Variants in GPATCH2 observed in about 807,000 individuals in gnomAD.
GPATCH2 encodes G-patch domain containing 2.
Under a neutral mutation model 58.0 loss-of-function variants are expected in GPATCH2, and 51 were observed. The observed-to-expected ratio is 0.88, with a 90% CI of 0.70 to 1.11. The LOEUF (loss-of-function observed/expected upper bound fraction) is 1.11. Ranked by LOEUF, GPATCH2 falls within the 50% of genes most tolerant of loss-of-function variation. The pLI, the probability that GPATCH2 is intolerant of heterozygous loss-of-function variation, is 0.00. For synonymous variants in GPATCH2, 222 were observed against 218.5 expected, an observed-to-expected ratio of 1.02 and a Z score of -0.14; for missense variants, 625 against 652.2, an observed-to-expected ratio of 0.96 and a Z score of 0.45.
chr1:217,491,601 C>T (rs1661738993), intron 8 of GPATCH2, 79 bp downstream of exon 8: 1 of 618,066 alleles, frequency 1.6e-6, no homozygotes, highest in South Asian at 2.4e-5. Context: ...CAAAGGCAAC[C>T]TAACAACAAT....
intron 9 of GPATCH2, among the ~76,000 whole-genome samples, chr1:217,437,866 C>A (rs1371887132): frequency 1.3e-5 from 2 of 152,224 alleles, no homozygotes; most frequent in African/African-American, 4.8e-5. Context: ...GATCTCCCAG[C>A]ACAGCGCTTG....
chr1:217,582,026 G>A (rs190978022), intron 5 of GPATCH2, among the ~76,000 whole-genome samples: 1 of 152,190 alleles, frequency 6.6e-6, no homozygotes, highest in Non-Finnish European at 1.5e-5. Flanking sequence ...AAATACCCGT[G>A]GTCACTGGTA....
chr1:217,539,568 C>T (rs1427773687), intron 5 of GPATCH2, among the ~76,000 whole-genome samples: 1 of 152,138 alleles, frequency 6.6e-6, no homozygotes, highest in Non-Finnish European at 1.5e-5. Context: ...AGTAGCAGAC[C>T]TATGATAAAT....
intron 8 of GPATCH2, among the ~76,000 whole-genome samples, chr1:217,469,872 G>C (rs1258044227): frequency 1.3e-5 from 2 of 152,144 alleles, no homozygotes; most frequent in African/African-American, 2.4e-5. Context: ...TCAAGCAGCA[G>C]ATGTTGTTTA....
intron 5 of GPATCH2, among the ~76,000 whole-genome samples, chr1:217,540,931 T>C (rs2102644144): frequency 6.6e-6 from 1 of 152,276 alleles, no homozygotes; most frequent in East Asian, 1.9e-4. Flanking sequence ...AAATTTATTG[T>C]AATACTGTTT....
At chr1:217,522,903 C>T (rs1571854447) in intron 5 of GPATCH2, among the ~76,000 whole-genome samples, 1 of 151,488 alleles carries the variant, frequency 6.6e-6, no homozygotes, top group Admixed American at 6.6e-5. Context: ...ACTTTGGAGG[C>T]AAACACAAAG....
At chr1:217,478,014 A>T (rs987268128) in intron 8 of GPATCH2, among the ~76,000 whole-genome samples, 1 of 152,228 alleles carries the variant, frequency 6.6e-6, no homozygotes, top group African/African-American at 2.4e-5. Context: ...TCTGCCTGGT[A>T]ATCCAGATAA....
chr1:217,610,705 A>G (rs1173330326), intron 4 of GPATCH2, among the ~76,000 whole-genome samples, 184 bp downstream of exon 4: 1 of 152,188 alleles, frequency 6.6e-6, no homozygotes, highest in East Asian at 1.9e-4. Context: ...CAAGAAAGCA[A>G]GTCAATTTTT....
intron 2 of GPATCH2, 113 bp from the exon 3 acceptor site, chr1:217,614,315 G>A: frequency 1.6e-6 from 1 of 644,308 alleles, no homozygotes; most frequent in Non-Finnish European, 2.8e-6. Flanking sequence ...ACAAAGATCT[G>A]AAAGAAAATA....
intron 9 of GPATCH2, among the ~76,000 whole-genome samples, chr1:217,446,660 A>G (rs1380275211): frequency 6.6e-6 from 1 of 152,150 alleles, no homozygotes; most frequent in Non-Finnish European, 1.5e-5. Flanking sequence ...TTAAATTTCT[A>G]TGAATTTTAT....
intron 7 of GPATCH2, among the ~76,000 whole-genome samples, chr1:217,494,587 A>G (rs1025134696): frequency 8.5e-5 from 13 of 152,124 alleles, no homozygotes; most frequent in Non-Finnish European, 1.6e-4. Context: ...AAAAATAGAA[A>G]AATTAGCCGG....
intron 6 of GPATCH2, among the ~76,000 whole-genome samples, chr1:217,504,990 T>G (rs1662479520): frequency 6.6e-6 from 1 of 152,194 alleles, no homozygotes; most frequent in African/African-American, 2.4e-5. Context: ...GGGTATTTAT[T>G]TATGTGTATT....
chr1:217,493,561 C>A (rs939399222), intron 7 of GPATCH2, among the ~76,000 whole-genome samples: 4 of 152,006 alleles, frequency 2.6e-5, no homozygotes, highest in African/African-American at 9.7e-5. Context: ...GAAGTGAGAT[C>A]TGGTATCTGA....
intron 5 of GPATCH2, among the ~76,000 whole-genome samples, chr1:217,596,452 A>G (rs12024821): frequency 0.21 from 32,276 of 152,074 alleles, 4,286 homozygotes; most frequent in East Asian, 0.52. Context: ...TTCCTGGTCT[A>G]TAAGATGGAG....
At chr1:217,458,186 C>T (rs1472187618) in intron 8 of GPATCH2, among the ~76,000 whole-genome samples, 2 of 152,060 alleles carry the variant, frequency 1.3e-5, no homozygotes, top group Non-Finnish European at 2.9e-5. Flanking sequence ...GCCGAGATCG[C>T]GCCACTGCAC....
chr1:217,520,488 T>C (rs902335607), intron 5 of GPATCH2, among the ~76,000 whole-genome samples: 13 of 152,138 alleles, frequency 8.5e-5, no homozygotes, highest in African/African-American at 2.9e-4. Context: ...TGACAAACAA[T>C]CTTGCTCTTA....
rs111341160 is a variant in GPATCH2 at position 217,614,852 on chromosome 1, A to G, written c.774-650T>C. ...TATTCCCACAGAAGCTCCAGAGTCA[A>G]ATCTAACATACAAATAAAACAAATA... On this transcript the variant is annotated intron_variant, in intron 2 of 9. Transcript: ENST00000366935. Among the ~76,000 whole-genome samples, 622 of 152,074 alleles carry G rather than the reference A, an allele frequency of 4.1e-3. 5 individuals carry two copies. The highest frequency in any genetic ancestry group is 0.014 in the African/African-American group (598 of 41,534).
At chr1:217,561,762 G>C (rs1033650190) in intron 5 of GPATCH2, among the ~76,000 whole-genome samples, 1 of 152,116 alleles carries the variant, frequency 6.6e-6, no homozygotes, top group South Asian at 2.1e-4. Flanking sequence ...CCCTTGACAA[G>C]TGCAAGAAGT....
chr1:217,554,034 C>T (rs1027862260), intron 5 of GPATCH2, among the ~76,000 whole-genome samples: 7 of 152,200 alleles, frequency 4.6e-5, no homozygotes, highest in African/African-American at 1.2e-4. Context: ...GACGCTTCAG[C>T]GCAAACAACT....
Sources: allele counts gnomAD v4.1 joint callset (sites outside exome capture counted in the v4.1 genomes callset), GRCh38; gene constraint gnomAD v4.1.1; transcripts MANE v1.5; gene names NCBI Gene and HGNC (gene_info 2026-07-23, HGNC 2026-07-21).